The following CNTNAP3B variants were observed in gnomAD, a reference collection of about 807,000 sequenced individuals.
CNTNAP3B encodes contactin-associated protein-like 3B.
Under a neutral mutation model 108.9 loss-of-function variants are expected in CNTNAP3B, and 25 were observed. That is an observed-to-expected ratio of 0.23 (90% CI 0.17 to 0.32). The LOEUF (loss-of-function observed/expected upper bound fraction) is 0.32, where lower values mean the gene tolerates loss of function less well. CNTNAP3B is among the 10% of genes least tolerant of loss of function. The pLI, the probability that CNTNAP3B is intolerant of heterozygous loss-of-function variation, is 1.00. For missense variants in CNTNAP3B, 252 were observed against 1,210.4 expected (o/e 0.21, Z 11.75); for synonymous variants, 103 against 473.4 (o/e 0.22, Z 10.16).
chr9:41,930,058 T>C (rs1322992934), intron 14 of CNTNAP3B, among the ~76,000 whole-genome samples: 3 of 152,296 alleles, frequency 2.0e-5, no homozygotes, highest in Admixed American at 6.5e-5. Flanking sequence ...ATATTCATTT[T>C]GCAGAATATT....
At chr9:42,088,845 C>T (rs1294022393) in intron 2 of CNTNAP3B, among the ~76,000 whole-genome samples, 4 of 139,456 alleles carry the variant, frequency 2.9e-5, no homozygotes, top group Non-Finnish European at 4.6e-5. Flanking sequence ...GCACATCTAA[C>T]ACCTAGGCAC....
intron 3 of CNTNAP3B, among the ~76,000 whole-genome samples, chr9:42,044,408 C>A (rs532554064): frequency 6.7e-6 from 1 of 148,600 alleles, no homozygotes; most frequent in African/African-American, 2.5e-5. Flanking sequence ...TGAGTTGTCA[C>A]CATCAAAATA....
chr9:42,122,566 T>C, intron 1 of CNTNAP3B, among the ~76,000 whole-genome samples: 1 of 133,032 alleles, frequency 7.5e-6, no homozygotes, highest in Non-Finnish European at 1.6e-5. Context: ...TAATATTATA[T>C]ATTTATTTTC....
At position 42,120,723 on chromosome 9, in the gene CNTNAP3B, C is replaced by CA. The variant is rs1340002055; in HGVS notation, c.85+8286dup. On this transcript the variant is annotated intron_variant, in intron 1 of 23. Coordinates refer to ENST00000377561, the MANE Select transcript of CNTNAP3B (RefSeq NM_001201380.3). ...CATTCTCAGCAAACTATTGCAAGGA[C>CA]AAAAAACCAAACACCGCATGTTCTC... Among the ~76,000 whole-genome samples, 73 of 129,942 alleles carry CA rather than the reference C, an allele frequency of 5.6e-4. 9 individuals carry two copies. Among genetic ancestry groups the CA allele is most frequent in the African/African-American group, 2.3e-3 (73 of 31,558 alleles). The allele number at this position is 129,942 out of a possible 152,430, so 85.2% of individuals were successfully genotyped here. A position where few individuals can be genotyped will look rare whatever the true frequency, so the allele number is the denominator to read the frequency against.
chr9:42,014,811 A>G lies in CNTNAP3B; in HGVS notation c.391-1286T>C, dbSNP rs1310219159. On this transcript the variant is annotated intron_variant, in intron 3 of 23. Coordinates refer to ENST00000377561, the MANE Select transcript of CNTNAP3B (RefSeq NM_001201380.3). ...GTCACAAAAAAAAAAAAAAAAAAAG[A>G]ATGTACCAGGCTTAACAACAAAACG... Among the ~76,000 whole-genome samples, 42 of 74,904 alleles carry G rather than the reference A, an allele frequency of 5.6e-4. 1 individual carries two copies. Among genetic ancestry groups the G allele is most frequent in the Non-Finnish European group, 9.7e-4 (39 of 40,170 alleles). The allele number at this position is 74,904 out of a possible 152,430, so 49.1% of individuals were successfully genotyped here. A position where few individuals can be genotyped will look rare whatever the true frequency, so the allele number is the denominator to read the frequency against.
chr9:41,995,983 C>T (rs1465120194), intron 7 of CNTNAP3B, among the ~76,000 whole-genome samples: 6 of 144,338 alleles, frequency 4.2e-5, no homozygotes, highest in Non-Finnish European at 7.6e-5. Context: ...CTGCAGTAAG[C>T]TGAGATTGCG....
At chr9:42,066,664 G>A (rs1827271801) in intron 3 of CNTNAP3B, among the ~76,000 whole-genome samples, 1 of 130,108 alleles carries the variant, frequency 7.7e-6, no homozygotes, top group Non-Finnish European at 1.6e-5. Flanking sequence ...CCTGACATCA[G>A]GTGATCAACC....
At position 42,034,186 on chromosome 9, in the gene CNTNAP3B, G is replaced by GTATCTATCTAACTATCTATC. The variant is rs1826579869; in HGVS notation, c.391-20662_391-20661insGATAGATAGTTAGATAGATA. ...TATCTATATGTATGTATGTATATAT[G>GTATCTATCTAACTATCTATC]TATCTATCTATCTATCTATCTATCT... On this transcript the variant is annotated intron_variant, in intron 3 of 23. Transcript: ENST00000377561. 1.6e-5 allele frequency among the ~76,000 whole-genome samples: 2 copies of GTATCTATCTAACTATCTATC among 124,270 alleles called. 1 individual carries two copies. Among genetic ancestry groups the GTATCTATCTAACTATCTATC allele is most frequent in the African/African-American group, 6.6e-5 (2 of 30,108 alleles). 81.5% of individuals were successfully genotyped at this position (124,270 alleles called of 152,430 possible). A position where few individuals can be genotyped will look rare whatever the true frequency, so the allele number is the denominator to read the frequency against.
At chr9:41,945,250 G>T (rs1348971610) in intron 13 of CNTNAP3B, among the ~76,000 whole-genome samples, 1 of 152,286 alleles carries the variant, frequency 6.6e-6, no homozygotes, top group African/African-American at 2.4e-5. Flanking sequence ...ATTTGACCCA[G>T]CCATCCCATT....
intron 15 of CNTNAP3B, chr9:41,926,733 A>G (rs1823831613): frequency 6.6e-6 from 1 of 152,424 alleles, no homozygotes; most frequent in Non-Finnish European, 1.5e-5. Flanking sequence ...AGAAGGGAAT[A>G]TTTCAAATAT....
chr9:42,070,497 T>C (rs1827350132), intron 3 of CNTNAP3B, among the ~76,000 whole-genome samples: 1 of 143,346 alleles, frequency 7.0e-6, no homozygotes, highest in African/African-American at 2.7e-5. Context: ...TTCCTCTGAC[T>C]CACTGTGTCG....
chr9:42,063,943 G>T (rs1827219452), intron 3 of CNTNAP3B, among the ~76,000 whole-genome samples: 1 of 148,020 alleles, frequency 6.8e-6, no homozygotes, highest in Admixed American at 6.7e-5. Context: ...CTTTTTCAGT[G>T]TCCATACTTT....
chr9:41,946,595 A>C (rs1275875522), intron 13 of CNTNAP3B, among the ~76,000 whole-genome samples: 1 of 51,778 alleles, frequency 1.9e-5, no homozygotes, highest in African/African-American at 7.2e-5. Context: ...TACCAAGCCC[A>C]GATGATTCAC....
intron 3 of CNTNAP3B, among the ~76,000 whole-genome samples, chr9:42,076,260 C>CAA (rs58062908): frequency 0.27 from 22,246 of 83,358 alleles, 3,689 homozygotes; most frequent in South Asian, 0.36. Context: ...ACTAAAAATA[C>CAA]AAAAAAAAAA....
intron 12 of CNTNAP3B, among the ~76,000 whole-genome samples, chr9:41,959,818 T>G (rs1311505743): frequency 6.6e-6 from 1 of 152,304 alleles, no homozygotes; most frequent in Non-Finnish European, 1.5e-5. Context: ...ATTGTCCAAA[T>G]TTATGAAACT....
chr9:41,966,380 A>G (rs1488439695), intron 10 of CNTNAP3B, among the ~76,000 whole-genome samples: 2 of 152,290 alleles, frequency 1.3e-5, no homozygotes, highest in African/African-American at 4.8e-5. Context: ...TGTATACACT[A>G]TTTTTCTTCA....
intron 9 of CNTNAP3B, among the ~76,000 whole-genome samples, chr9:41,985,596 AT>A (rs1825691436): frequency 7.7e-6 from 1 of 129,556 alleles, no homozygotes; most frequent in Non-Finnish European, 1.6e-5. Flanking sequence ...ATTTGTTTAC[AT>A]TGTCAATGTT....
chr9:42,035,837 G>T (rs1826614481), intron 3 of CNTNAP3B, among the ~76,000 whole-genome samples: 3 of 146,396 alleles, frequency 2.0e-5, no homozygotes, highest in South Asian at 4.3e-4. Flanking sequence ...TTAATTTTTT[G>T]TTGTTGTTCT....
At chr9:41,944,634 G>T (rs1379757085) in intron 13 of CNTNAP3B, among the ~76,000 whole-genome samples, 1 of 151,664 alleles carries the variant, frequency 6.6e-6, no homozygotes, top group Non-Finnish European at 1.5e-5. Context: ...AAAAAAAGAA[G>T]AAACAAGGGC....
Sources: allele counts gnomAD v4.1 joint callset (sites outside exome capture counted in the v4.1 genomes callset), GRCh38; gene constraint gnomAD v4.1.1; transcripts MANE v1.5; gene names NCBI Gene and HGNC (gene_info 2026-07-23, HGNC 2026-07-21).